The following ZDHHC21 variants were observed in gnomAD, a reference collection of about 807,000 sequenced individuals.
ZDHHC21 encodes the protein palmitoyltransferase ZDHHC21.
Under a neutral mutation model 34.6 loss-of-function variants are expected in ZDHHC21, and 15 were observed. That is an observed-to-expected ratio of 0.43 (90% CI 0.29 to 0.67). ZDHHC21 has a LOEUF of 0.67. ZDHHC21 is among the 30% of genes least tolerant of loss of function. The probability of loss-of-function intolerance (pLI) is 0.14; values close to 1 mark genes in which losing one functional copy is unlikely to be tolerated. For missense variants in ZDHHC21, 344 were observed against 327.7 expected (o/e 1.05, Z -0.38); for synonymous variants, 142 against 101.8 (o/e 1.40, Z -2.38).
At chr9:14,590,164 G>A in the ZDHHC21 span, 6 of 152,140 alleles carry the variant, frequency 3.9e-5, no homozygotes, top group South Asian at 2.1e-4. Flanking sequence ...AAAATTTCAC[G>A]GTTAGCAGCA....
chr9:14,643,088 T>TA (rs1299839842), intron 7 of ZDHHC21, among the ~76,000 whole-genome samples: 2 of 151,460 alleles, frequency 1.3e-5, no homozygotes, highest in Non-Finnish European at 2.9e-5. Context: ...AAAATAAAAA[T>TA]AAAAATAAAA....
rs750546524 is a variant in ZDHHC21 at position 14,618,928 on chromosome 9, C to CA, written c.*37dup. The stretch of plus-strand genomic sequence containing the variant: ...TATCATAAAACCTGTAACGCATTGC[C>CA]AGCATGGAGGACCCATCTGTGCCCA... On this transcript the variant is annotated 3_prime_UTR_variant, in exon 10 of 10. Coordinates refer to ENST00000380916, the MANE Select transcript of ZDHHC21 (RefSeq NM_178566.6). 64 of 1,538,222 alleles carry CA rather than the reference C, an allele frequency of 4.2e-5. No homozygotes were observed. Among genetic ancestry groups the CA allele is most frequent in the Non-Finnish European group, 5.0e-5 (57 of 1,141,678 alleles).
At chr9:14,649,859 C>T (rs1830914218) in intron 7 of ZDHHC21, among the ~76,000 whole-genome samples, 1 of 151,986 alleles carries the variant, frequency 6.6e-6, no homozygotes, top group Non-Finnish European at 1.5e-5. Flanking sequence ...AATAAGAGAA[C>T]AGGATAACAT....
chr9:14,685,402 C>T (rs1838149120), intron 2 of ZDHHC21, among the ~76,000 whole-genome samples: 2 of 151,036 alleles, frequency 1.3e-5, no homozygotes, highest in South Asian at 2.1e-4. Flanking sequence ...AGGATATGAA[C>T]AGACACTTCT....
chr9:14,632,243 T>G (rs928040665), intron 8 of ZDHHC21, among the ~76,000 whole-genome samples: 1 of 152,108 alleles, frequency 6.6e-6, no homozygotes, highest in Non-Finnish European at 1.5e-5. Context: ...CATAAAGATA[T>G]CTCTATGTCA....
At chr9:14,676,212 C>A (rs907767411) in intron 3 of ZDHHC21, among the ~76,000 whole-genome samples, 1 of 151,960 alleles carries the variant, frequency 6.6e-6, no homozygotes, top group Non-Finnish European at 1.5e-5. Flanking sequence ...AAAGGAGCAA[C>A]TGCTAGAATC....
chr9:14,630,559 T>A (rs984399311), intron 8 of ZDHHC21, among the ~76,000 whole-genome samples: 3 of 152,244 alleles, frequency 2.0e-5, no homozygotes, highest in African/African-American at 7.2e-5. Context: ...TAATGGCATC[T>A]AAAATGGTAA....
chr9:14,604,627 T>A, the ZDHHC21 span, among the ~76,000 whole-genome samples: 1 of 152,174 alleles, frequency 6.6e-6, no homozygotes, highest in Non-Finnish European at 1.5e-5. Flanking sequence ...ATGTAATTAA[T>A]CTTGGTATTT....
chr9:14,690,837 A>G (rs530804955), intron 1 of ZDHHC21, among the ~76,000 whole-genome samples: 9 of 152,298 alleles, frequency 5.9e-5, no homozygotes, highest in East Asian at 1.9e-4. Flanking sequence ...CTGTTTTACA[A>G]TTTCACCTGT....
At chr9:14,671,662 T>A (rs1835469496) in intron 5 of ZDHHC21, among the ~76,000 whole-genome samples, 1 of 151,930 alleles carries the variant, frequency 6.6e-6, no homozygotes, top group East Asian at 1.9e-4. Flanking sequence ...ATGGCTCTAG[T>A]AATGACAAAA....
At chr9:14,593,555 C>A in the ZDHHC21 span, 1 of 152,258 alleles carries the variant, frequency 6.6e-6, no homozygotes, top group Non-Finnish European at 1.5e-5. Flanking sequence ...GCTGGGCAGG[C>A]AACCATCATG....
Position 14,660,817 on chromosome 9 carries a change from G to GA in ZDHHC21, c.365+1397dup, listed in dbSNP as rs374549377. On this transcript the variant is annotated intron_variant, in intron 6 of 9. Transcript: ENST00000380916. ...TTCTTTCTTACTACTGCATTCGTTT[G>GA]AAAAAAAAAGCATCAATATCCACTT... Among the ~76,000 whole-genome samples the GA allele has an allele frequency of 3.7e-4, 56 of 149,554 alleles. 1 individual carries two copies. In the East Asian group the frequency reaches 5.7e-3, roughly 15 times the overall value.
chr9:14,682,064 C>T (rs1435512640), intron 2 of ZDHHC21, among the ~76,000 whole-genome samples: 2 of 152,086 alleles, frequency 1.3e-5, no homozygotes, highest in African/African-American at 4.8e-5. Flanking sequence ...AAGGAACAAC[C>T]GGTACCAGCC....
At chr9:14,681,891 T>A (rs1215798469) in intron 2 of ZDHHC21, among the ~76,000 whole-genome samples, 1 of 152,074 alleles carries the variant, frequency 6.6e-6, no homozygotes, top group South Asian at 2.1e-4. Context: ...ATATTCAACA[T>A]TCCTAAAGAA....
rs1461780340 is a variant in ZDHHC21, at chr9:14,611,204, A to C, written c.*7762T>G. The C allele has an allele frequency of 6.6e-6, 1 of 152,046 alleles. No homozygotes were observed. Among genetic ancestry groups the C allele is most frequent in the Non-Finnish European group, 1.5e-5 (1 of 67,938 alleles). The allele number at this position is 152,046 out of a possible 1,614,324, so 9.4% of individuals were successfully genotyped here. ...GAAAATAGAAATATTACGTGAAAAA[A>C]ACTAAATCGCTACAATAAATTAAAA... On this transcript the variant is annotated 3_prime_UTR_variant, in exon 10 of 10. Coordinates refer to ENST00000380916, the MANE Select transcript of ZDHHC21 (RefSeq NM_178566.6).
downstream of ZDHHC21, among the ~76,000 whole-genome samples, chr9:14,606,245 C>T (rs900697609): frequency 6.6e-6 from 1 of 152,182 alleles, no homozygotes; most frequent in Non-Finnish European, 1.5e-5. Flanking sequence ...ATTATGTTCT[C>T]TCCCGCTGAC....
At chr9:14,644,508 T>G (rs72704935) in intron 7 of ZDHHC21, among the ~76,000 whole-genome samples, 33,033 of 150,476 alleles carry the variant, frequency 0.22, 4,111 homozygotes, top group East Asian at 0.34. Context: ...TTTTGTGTGT[T>G]TTTTTTTTAA....
At chr9:14,592,881 C>T in the ZDHHC21 span, among the ~76,000 whole-genome samples, 1 of 152,124 alleles carries the variant, frequency 6.6e-6, no homozygotes, top group Non-Finnish European at 1.5e-5. Context: ...GACATCTCCA[C>T]ATTCGGAAAT....
At chr9:14,633,847 T>C (rs866935325) in intron 8 of ZDHHC21, among the ~76,000 whole-genome samples, 1 of 152,138 alleles carries the variant, frequency 6.6e-6, no homozygotes, top group Admixed American at 6.5e-5. Flanking sequence ...CTGCAGCCAC[T>C]GAAAGCAACC....
Sources: allele counts gnomAD v4.1 joint callset (sites outside exome capture counted in the v4.1 genomes callset), GRCh38; gene constraint gnomAD v4.1.1; transcripts MANE v1.5; gene names NCBI Gene and HGNC (gene_info 2026-07-23, HGNC 2026-07-21).